The following SEMA3A variants were observed in gnomAD, a reference collection of about 807,000 sequenced individuals.
SEMA3A encodes the protein semaphorin-3A.
A neutral mutation model predicts 97.9 loss-of-function variants in SEMA3A; 29 were observed. The ratio of observed to expected loss-of-function variants is 0.30; its 90% CI spans 0.22 to 0.40. The LOEUF is 0.40. Ranked by LOEUF, SEMA3A falls within the 10% of genes least tolerant of loss-of-function variation. The probability of loss-of-function intolerance (pLI) is 1.00; values close to 1 mark genes in which losing one functional copy is unlikely to be tolerated. For missense variants in SEMA3A, 763 were observed against 951.3 expected (o/e 0.80, Z 2.60); for synonymous variants, 321 against 323.7 (o/e 0.99, Z 0.09).
intron 15 of SEMA3A, among the ~76,000 whole-genome samples, chr7:83,967,669 C>T (rs1458051236): frequency 2.6e-5 from 4 of 152,016 alleles, no homozygotes; most frequent in South Asian, 2.1e-4. Context: ...GCAGGAGAAG[C>T]GCTTGAATCT....
intron 4 of SEMA3A, among the ~76,000 whole-genome samples, chr7:84,098,548 T>C (rs184235624): frequency 6.6e-6 from 1 of 152,216 alleles, no homozygotes; most frequent in East Asian, 1.9e-4. Flanking sequence ...ATGTTATTAC[T>C]ATAATCTTTT....
At chr7:84,252,722 T>C (rs1483637388) in intron 3 of SEMA3A, among the ~76,000 whole-genome samples, 1 of 152,194 alleles carries the variant, frequency 6.6e-6, no homozygotes, top group African/African-American at 2.4e-5. Flanking sequence ...AAACATGTTA[T>C]TTCACTCTCT....
At chr7:84,453,704 G>A (rs1011175179) in intron 1 of SEMA3A, among the ~76,000 whole-genome samples, 4 of 152,018 alleles carry the variant, frequency 2.6e-5, no homozygotes, top group Admixed American at 2.6e-4. Flanking sequence ...ATTCTATCGT[G>A]TACATTATCT....
chr7:84,487,180 G>T (rs1044860096), intron 1 of SEMA3A, among the ~76,000 whole-genome samples: 1 of 152,060 alleles, frequency 6.6e-6, no homozygotes, highest in African/African-American at 2.4e-5. Flanking sequence ...ATTAAGCAGG[G>T]CTAGAAATGA....
rs186344030 is a variant in SEMA3A, at chr7:84,474,448, T to C, written c.-246+18012A>G. 3.0e-3 allele frequency among the ~76,000 whole-genome samples: 452 copies of C among 151,586 alleles called. 1 individual carries two copies. Among genetic ancestry groups the C allele is most frequent in the African/African-American group, 0.01 (428 of 41,526 alleles). On this transcript the variant is annotated intron_variant, in intron 1 of 3. Coordinates refer to the SEMA3A transcript ENST00000424555. ...TATGTTGAGGACTGCTCCTTTTTTT[T>C]TCTCTCTCTCCCAGAGTAACATTTG...
At chr7:84,150,140 T>C (rs1481255701) in intron 1 of SEMA3A, among the ~76,000 whole-genome samples, 1 of 152,222 alleles carries the variant, frequency 6.6e-6, no homozygotes, top group East Asian at 1.9e-4. Context: ...TGAGGGTAAC[T>C]GGTAGGAATT....
intron 3 of SEMA3A, among the ~76,000 whole-genome samples, chr7:84,265,067 C>T (rs1294938765): frequency 1.3e-5 from 2 of 152,092 alleles, no homozygotes; most frequent in East Asian, 3.9e-4. Context: ...AAGATGAAGG[C>T]TTCACTTGAG....
At chr7:84,378,533 G>C (rs562316431) in intron 1 of SEMA3A, among the ~76,000 whole-genome samples, 113 of 152,120 alleles carry the variant, frequency 7.4e-4, no homozygotes, top group African/African-American at 2.6e-3. Context: ...CACAGGGAGG[G>C]AACATCACAC....
At chr7:84,293,002 T>C (rs1278893242) in intron 3 of SEMA3A, among the ~76,000 whole-genome samples, 2 of 152,050 alleles carry the variant, frequency 1.3e-5, no homozygotes, top group East Asian at 1.9e-4. Flanking sequence ...TATATAGAAG[T>C]AGAAATTTAA....
chr7:84,118,801 C>T (rs80302074), intron 3 of SEMA3A, among the ~76,000 whole-genome samples: 3,222 of 152,288 alleles, frequency 0.021, 110 homozygotes, highest in African/African-American at 0.073. Context: ...AACAACTTCA[C>T]GCCCACTACC....
chr7:84,319,535 T>A (rs1019544578), intron 2 of SEMA3A, among the ~76,000 whole-genome samples: 4 of 152,126 alleles, frequency 2.6e-5, no homozygotes, highest in Non-Finnish European at 4.4e-5. Context: ...CCACCAAGAA[T>A]TCCATGTAAA....
intron 3 of SEMA3A, among the ~76,000 whole-genome samples, chr7:84,274,790 T>G (rs1044356083): frequency 1.3e-5 from 2 of 151,992 alleles, no homozygotes; most frequent in African/African-American, 4.8e-5. Flanking sequence ...GTTTTAATAC[T>G]TATATTGAGA....
chr7:83,976,075 G>A (rs887147685), intron 15 of SEMA3A, among the ~76,000 whole-genome samples: 5 of 152,100 alleles, frequency 3.3e-5, no homozygotes, highest in African/African-American at 7.2e-5. Context: ...ATGGTTACCC[G>A]TCTCCTGGTA....
intron 4 of SEMA3A, among the ~76,000 whole-genome samples, chr7:84,086,446 A>G (rs1794346149): frequency 7.2e-6 from 1 of 139,618 alleles, no homozygotes; most frequent in Admixed American, 7.5e-5. Context: ...TATATTTTAT[A>G]TATTATTATA....
chr7:84,059,878 G>C (rs1372556765), intron 5 of SEMA3A, among the ~76,000 whole-genome samples: 2 of 152,004 alleles, frequency 1.3e-5, no homozygotes, highest in African/African-American at 4.8e-5. Flanking sequence ...CAGTCCGGAG[G>C]TAGTTAAGAG....
intron 4 of SEMA3A, among the ~76,000 whole-genome samples, chr7:84,106,339 C>G (rs565801496): frequency 5.9e-5 from 9 of 152,128 alleles, no homozygotes; most frequent in African/African-American, 1.9e-4. Flanking sequence ...ACATTGCCTA[C>G]AATATTCAGT....
chr7:83,958,967 A>G lies in SEMA3A; in HGVS notation c.*2404T>C, dbSNP rs1788367406. Reference sequence around the variant, plus strand: ...ATGGGCCAATAATTCTTTTTCGTGCAAACTGCCCCCTCTCAATACACATGG... The same window carrying G: ...ATGGGCCAATAATTCTTTTTCGTGCGAACTGCCCCCTCTCAATACACATGG... On this transcript the variant is annotated 3_prime_UTR_variant, in exon 17 of 17. Transcript: ENST00000265362. 2.0e-5 allele frequency: 3 copies of G among 152,060 alleles called. No homozygotes were observed. The South Asian group carries it at 6.2e-4, about 31-fold the overall frequency. 9.4% of individuals were successfully genotyped at this position (152,060 alleles called of 1,614,324 possible).
intron 4 of SEMA3A, among the ~76,000 whole-genome samples, chr7:84,096,022 A>G (rs961501950): frequency 6.6e-6 from 1 of 152,100 alleles, no homozygotes; most frequent in Non-Finnish European, 1.5e-5. Context: ...AAAGCCAACT[A>G]TATTTTAACA....
intron 3 of SEMA3A, among the ~76,000 whole-genome samples, chr7:84,264,783 T>C (rs949388090): frequency 6.6e-6 from 1 of 152,160 alleles, no homozygotes; most frequent in Non-Finnish European, 1.5e-5. Flanking sequence ...TTTTCTGTGT[T>C]CTGCAGTGAA....
Sources: allele counts gnomAD v4.1 joint callset (sites outside exome capture counted in the v4.1 genomes callset), GRCh38; gene constraint gnomAD v4.1.1; transcripts MANE v1.5; gene names NCBI Gene and HGNC (gene_info 2026-07-23, HGNC 2026-07-21).